The following PODXL2 variants were observed in gnomAD, a reference collection of about 807,000 sequenced individuals.
PODXL2 encodes podocalyxin-like protein 2.
A neutral mutation model predicts 53.4 loss-of-function variants in PODXL2; 17 were observed. That is an observed-to-expected ratio of 0.32 (90% CI 0.22 to 0.48). PODXL2 has a LOEUF of 0.48. Among genes scored for constraint, PODXL2 ranks in the 20% least tolerant of loss-of-function variants. The pLI is 0.99. For missense variants in PODXL2, 673 were observed against 760.0 expected (o/e 0.89, Z 1.35); for synonymous variants, 311 against 306.7 (o/e 1.01, Z -0.15).
chr3:127,650,099 T>C (rs1188272953), intron 2 of PODXL2, among the ~76,000 whole-genome samples: 1 of 152,222 alleles, frequency 6.6e-6, no homozygotes, highest in Non-Finnish European at 1.5e-5. Context: ...GACATTAACC[T>C]AAAGGGACAT....
At chr3:127,661,558 C>T (rs572590034) in intron 3 of PODXL2, among the ~76,000 whole-genome samples, 6 of 152,062 alleles carry the variant, frequency 3.9e-5, no homozygotes, top group Admixed American at 1.3e-4. Flanking sequence ...TACCTCAGCC[C>T]CCTGAGTAGC....
chr3:127,648,396 A>G (rs565308179), intron 2 of PODXL2, among the ~76,000 whole-genome samples: 58 of 152,350 alleles, frequency 3.8e-4, no homozygotes, highest in African/African-American at 1.3e-3. Flanking sequence ...AGGTGTATCC[A>G]TGTCCTTAGG....
chr3:127,660,928 C>A lies in PODXL2; in HGVS notation c.900C>A (p.His300Gln). The A allele has an allele frequency of 6.2e-7, 1 of 1,614,224 alleles. No individual in the cohort carries two copies. The highest frequency in any genetic ancestry group is 2.2e-5 in the East Asian group (1 of 44,890). ...GAGCAGCTGGTTTGTCTGGCCAGCA[C>A]GAGGAGGTGCCGGCCTTGCCTTCAT... ...TAGAAGLSGQ[H>Q]EEVPALPSFP... The change falls in exon 3 of 8, where the codon CAC becomes CAA. Residue 300 changes from histidine (H) to glutamine (Q), a missense_variant. Physicochemically the swap from His to Gln is conservative, Grantham distance 24. Coordinates refer to ENST00000342480, the MANE Select transcript of PODXL2 (RefSeq NM_015720.4).
Position 127,662,240 on chromosome 3 carries a change from A to G in PODXL2, c.1135A>G (p.Ile379Val). 2 of 1,613,164 alleles carry G rather than the reference A, an allele frequency of 1.2e-6. No homozygotes were observed. The highest frequency in any genetic ancestry group is 1.1e-5 in the South Asian group (1 of 91,054). ...SRIPWDSTQV[I>V]CKDWSNLAGK... ...TTCTTTCTGTCTCCTCGCACAGGTGATCTGCAAGGACTGGAGCAATCTGGC... is the reference window on the plus strand; with the variant it reads ...TTCTTTCTGTCTCCTCGCACAGGTGGTCTGCAAGGACTGGAGCAATCTGGC... Residue 379 changes from isoleucine (I) to valine (V), a missense_variant, in exon 4 of 8, where the codon ATC becomes GTC. Physicochemically the swap from Ile to Val is conservative, Grantham distance 29. Coordinates refer to ENST00000342480, the MANE Select transcript of PODXL2 (RefSeq NM_015720.4).
At chr3:127,639,835 A>G (rs1487084127) in intron 2 of PODXL2, among the ~76,000 whole-genome samples, 1 of 152,220 alleles carries the variant, frequency 6.6e-6, no homozygotes, top group Non-Finnish European at 1.5e-5. Context: ...AAACACTGAG[A>G]CTGAGAGGTT....
chr3:127,655,775 G>A (rs1366964337), intron 2 of PODXL2, among the ~76,000 whole-genome samples: 2 of 152,230 alleles, frequency 1.3e-5, no homozygotes, highest in Non-Finnish European at 2.9e-5. Context: ...TGAGAGGCTG[G>A]AAAAAAGCGA....
intron 2 of PODXL2, among the ~76,000 whole-genome samples, chr3:127,650,882 A>G (rs1360812098): frequency 3.9e-5 from 6 of 152,072 alleles, no homozygotes; most frequent in Non-Finnish European, 8.8e-5. Flanking sequence ...GATGGTCTCC[A>G]TCTCCTGACC....
At chr3:127,642,874 C>T (rs530079577) in intron 2 of PODXL2, among the ~76,000 whole-genome samples, 14 of 152,140 alleles carry the variant, frequency 9.2e-5, no homozygotes, top group African/African-American at 2.4e-4. Flanking sequence ...CAATTTTTGG[C>T]GAGTAACTAA....
intron 2 of PODXL2, among the ~76,000 whole-genome samples, chr3:127,648,526 A>T (rs911623587): frequency 6.6e-6 from 1 of 152,212 alleles, no homozygotes; most frequent in Non-Finnish European, 1.5e-5. Context: ...AACATATAAA[A>T]ATTTAAAACA....
At chr3:127,669,005 T>C in intron 5 of PODXL2, 136 bp from the exon 6 acceptor site, 1 of 604,086 alleles carries the variant, frequency 1.7e-6, no homozygotes, top group East Asian at 3.0e-5. Flanking sequence ...GCATGTGCCT[T>C]GAGGATCTGT....
intron 1 of PODXL2, among the ~76,000 whole-genome samples, chr3:127,636,649 G>A (rs73861542): frequency 0.026 from 4,024 of 152,276 alleles, 124 homozygotes; most frequent in East Asian, 0.092. Flanking sequence ...ATCTTTGTCC[G>A]TGGACATGGT....
chr3:127,631,239 C>T (rs2074543498), intron 1 of PODXL2, among the ~76,000 whole-genome samples: 1 of 152,152 alleles, frequency 6.6e-6, no homozygotes, highest in Admixed American at 6.5e-5. Flanking sequence ...CAGGGCCCCT[C>T]CCATGTTGGT....
rs762491259 is a variant in PODXL2, at chr3:127,661,141, A to G, written c.1113A>G (p.Ile371Met). ...EGQAAEAQSR[I>M]PWDSTQVICK... ...AGGCAGCTGAAGCTCAATCCAGGAT[A>G]CCCTGGGATTCTACGCAGGTAAAGT... The change falls in exon 3 of 8, where the codon ATA becomes ATG. Residue 371 changes from isoleucine to methionine, a missense_variant. Ile to Met is a conservative substitution (Grantham distance 10). This residue lies in a region of PODXL2 where 588 missense variants were observed against 668.3 expected (regional missense o/e 0.88). Transcript: ENST00000342480. 1 of 1,613,816 alleles carries G rather than the reference A, an allele frequency of 6.2e-7. No individual in the cohort carries two copies. Among genetic ancestry groups the G allele is most frequent in the South Asian group, 1.1e-5 (1 of 91,078 alleles).
intron 1 of PODXL2, among the ~76,000 whole-genome samples, chr3:127,632,055 C>G (rs1030522124): frequency 5.3e-5 from 8 of 152,198 alleles, no homozygotes; most frequent in African/African-American, 1.9e-4. Flanking sequence ...TGGGGGCTCA[C>G]TGGAGCCATG....
intron 2 of PODXL2, among the ~76,000 whole-genome samples, chr3:127,653,134 C>A (rs1369092971): frequency 6.6e-6 from 1 of 152,172 alleles, no homozygotes; most frequent in Non-Finnish European, 1.5e-5. Flanking sequence ...CCTCTCAATG[C>A]AGCGAGTCCC....
At chr3:127,653,318 G>C (rs2074701157) in intron 2 of PODXL2, among the ~76,000 whole-genome samples, 1 of 152,160 alleles carries the variant, frequency 6.6e-6, no homozygotes. Context: ...TTCCCCTCTT[G>C]ACAGCTCAAG....
chr3:127,655,955 G>T (rs2074720890), intron 2 of PODXL2, among the ~76,000 whole-genome samples: 1 of 152,260 alleles, frequency 6.6e-6, no homozygotes, highest in Non-Finnish European at 1.5e-5. Flanking sequence ...AGACAGTAAA[G>T]AAGTCTGTGC....
Position 127,660,477 on chromosome 3 carries a change from A to G in PODXL2, c.449A>G (p.Asn150Ser). 1.2e-6 allele frequency: 2 copies of G among 1,614,162 alleles called. No individual in the cohort carries two copies. The highest frequency in any genetic ancestry group is 1.7e-6 in the Non-Finnish European group (2 of 1,180,030). ...PNLPSPLPKM[N>S]LVEPPWHMPP... ...CTCCCCTCTCCCTTGCCCAAGATGA[A>G]TCTGGTTGAGCCTCCCTGGCATATG... The change falls in exon 3 of 8, where the codon AAT becomes AGT. Residue 150 changes from asparagine to serine, a missense_variant. Asn to Ser is a conservative substitution (Grantham distance 46). Transcript: ENST00000342480.
At chr3:127,662,944 T>C (rs1043235760) in intron 4 of PODXL2, among the ~76,000 whole-genome samples, 1 of 152,210 alleles carries the variant, frequency 6.6e-6, no homozygotes, top group Non-Finnish European at 1.5e-5. Context: ...GAGAGAGGGC[T>C]GGGTGTTTCA....
Sources: allele counts gnomAD v4.1 joint callset (sites outside exome capture counted in the v4.1 genomes callset), GRCh38; gene constraint gnomAD v4.1.1; regional missense constraint gnomAD v4.1.1; transcripts MANE v1.5; gene names NCBI Gene and HGNC (gene_info 2026-07-23, HGNC 2026-07-21).